TASP1: variants seen among roughly 807,000 people sequenced by gnomAD.
TASP1 encodes threonine aspartase 1.
Under a neutral mutation model 56.6 loss-of-function variants are expected in TASP1, and 16 were observed. The observed-to-expected ratio is 0.28, with a 90% CI of 0.19 to 0.43. The LOEUF is 0.43. Ranked by LOEUF, TASP1 falls within the 20% of genes least tolerant of loss-of-function variation. The pLI, the probability that TASP1 is intolerant of heterozygous loss-of-function variation, is 1.00. For synonymous variants in TASP1, 179 were observed against 184.2 expected, an observed-to-expected ratio of 0.97 and a Z score of 0.23; for missense variants, 393 against 511.6, an observed-to-expected ratio of 0.77 and a Z score of 2.24.
At chr20:13,588,305 G>GA (rs1568618244) in intron 4 of TASP1, among the ~76,000 whole-genome samples, 48 of 110,874 alleles carry the variant, frequency 4.3e-4, no homozygotes, top group African/African-American at 1.4e-3. Flanking sequence ...AAGGAAGGAA[G>GA]GAAGAGAAAG....
chr20:13,270,386 A>G, the TASP1 span: 2 of 1,164,840 alleles, frequency 1.7e-6, no homozygotes, highest in Non-Finnish European at 2.4e-6. Context: ...GGAATGCCCT[A>G]CTGGCTTAAT....
At chr20:13,404,188 T>C (rs1351727054) in intron 13 of TASP1, among the ~76,000 whole-genome samples, 2 of 152,258 alleles carry the variant, frequency 1.3e-5, no homozygotes, top group Non-Finnish European at 2.9e-5. Flanking sequence ...ATTCACTTAG[T>C]ACTCTTTCAT....
intron 6 of TASP1, among the ~76,000 whole-genome samples, chr20:13,579,670 T>C (rs901230088): frequency 2.0e-5 from 3 of 152,148 alleles, no homozygotes; most frequent in Non-Finnish European, 2.9e-5. Context: ...TTCAGAGTTA[T>C]CAGGAAACTT....
chr20:13,440,745 C>G (rs1244713680), intron 11 of TASP1, among the ~76,000 whole-genome samples: 3 of 151,718 alleles, frequency 2.0e-5, no homozygotes, highest in Non-Finnish European at 2.9e-5. Flanking sequence ...AACCACCTGC[C>G]ATGAGACATT....
At chr20:13,444,340 A>G (rs2043323794) in intron 11 of TASP1, among the ~76,000 whole-genome samples, 1 of 152,166 alleles carries the variant, frequency 6.6e-6, no homozygotes. Flanking sequence ...TGTCCTTTCA[A>G]TGAATTTCTG....
At chr20:13,429,732 A>G (rs2042741144) in intron 12 of TASP1, among the ~76,000 whole-genome samples, 1 of 152,112 alleles carries the variant, frequency 6.6e-6, no homozygotes, top group Non-Finnish European at 1.5e-5. Context: ...GTTTGTTTTT[A>G]TTTTAGTATA....
At chr20:13,540,787 A>C (rs2045592472) in intron 8 of TASP1, among the ~76,000 whole-genome samples, 1 of 152,200 alleles carries the variant, frequency 6.6e-6, no homozygotes. Context: ...TGATAGGAGT[A>C]TTGGTTACAT....
the TASP1 span, chr20:13,270,544 G>T: frequency 6.8e-6 from 11 of 1,613,806 alleles, no homozygotes; most frequent in Non-Finnish European, 8.5e-6. Flanking sequence ...TCAGAAACCA[G>T]CTTTTCTCTC....
chr20:13,275,264 G>T, the TASP1 span, among the ~76,000 whole-genome samples: 5 of 152,108 alleles, frequency 3.3e-5, no homozygotes, highest in South Asian at 2.1e-4. Flanking sequence ...ATGGCCACAG[G>T]CCTCTTGAGC....
the TASP1 span, chr20:13,117,674 C>T: frequency 1.2e-6 from 2 of 1,613,802 alleles, no homozygotes; most frequent in Non-Finnish European, 1.7e-6. Context: ...TGCTCATGGG[C>T]ACATTCACCA....
chr20:13,308,020 ACACTCCGTTTAGGAGTGTTTGAAAGTTCC>A, the TASP1 span, among the ~76,000 whole-genome samples: 1 of 152,128 alleles, frequency 6.6e-6, no homozygotes, highest in East Asian at 1.9e-4. Context: ...GTCCTGGTGG[ACACTCCGTTTAGGAGTGTTTGAAAGTTCC>A]CATTCTTTAG....
At chr20:13,396,980 G>A (rs1159017526) in intron 13 of TASP1, among the ~76,000 whole-genome samples, 1 of 152,188 alleles carries the variant, frequency 6.6e-6, no homozygotes, top group African/African-American at 2.4e-5. Context: ...GGCCACTTTG[G>A]TTCTTACTAT....
At chr20:13,422,195 C>T (rs756523835) in intron 12 of TASP1, among the ~76,000 whole-genome samples, 35 of 151,838 alleles carry the variant, frequency 2.3e-4, no homozygotes, top group African/African-American at 6.8e-4. Flanking sequence ...CCTTGTTATC[C>T]GCGTGCCTCG....
the TASP1 span, chr20:13,279,640 A>G: frequency 1.2e-6 from 2 of 1,613,368 alleles, no homozygotes; most frequent in Non-Finnish European, 1.7e-6. Flanking sequence ...TCAGGTCACC[A>G]TAGAGGTGGT....
the TASP1 span, among the ~76,000 whole-genome samples, chr20:13,110,432 C>T: frequency 3.9e-5 from 6 of 152,122 alleles, no homozygotes; most frequent in African/African-American, 1.4e-4. Flanking sequence ...GGAGGCTGGC[C>T]GGCTTGTGAA....
chr20:13,397,354 C>G (rs1438389243), intron 13 of TASP1, among the ~76,000 whole-genome samples: 1 of 151,788 alleles, frequency 6.6e-6, no homozygotes, highest in Non-Finnish European at 1.5e-5. Context: ...AGCACTTTTG[C>G]ATCAATGAGA....
At chr20:13,321,933 T>A in the TASP1 span, among the ~76,000 whole-genome samples, 1 of 152,210 alleles carries the variant, frequency 6.6e-6, no homozygotes, top group Non-Finnish European at 1.5e-5. Context: ...AACTTCTCCA[T>A]GCCTTCGTTT....
chr20:13,120,269 C>A, the TASP1 span, among the ~76,000 whole-genome samples: 1 of 152,242 alleles, frequency 6.6e-6, no homozygotes, highest in East Asian at 1.9e-4. Flanking sequence ...AATAATCTCC[C>A]AGATACTTCC....
chr20:13,151,874 G>A, the TASP1 span, among the ~76,000 whole-genome samples: 2 of 152,046 alleles, frequency 1.3e-5, no homozygotes, highest in Admixed American at 1.3e-4. Context: ...AAGTGAAGGG[G>A]GCCCTAGACT....
Sources: allele counts gnomAD v4.1 joint callset (sites outside exome capture counted in the v4.1 genomes callset), GRCh38; gene constraint gnomAD v4.1.1; transcripts MANE v1.5; gene names NCBI Gene and HGNC (gene_info 2026-07-23, HGNC 2026-07-21).